ANXA2: variants seen among roughly 807,000 people sequenced by gnomAD.
The protein encoded by ANXA2 is annexin II.
ANXA2 carries 28 observed loss-of-function variants against 47.3 expected under a neutral mutation model. The ratio of observed to expected loss-of-function variants is 0.59; its 90% CI spans 0.44 to 0.81. The LOEUF (loss-of-function observed/expected upper bound fraction) is 0.81, where lower values mean the gene tolerates loss of function less well. ANXA2 is among the 40% of genes least tolerant of loss of function. The pLI is 0.00. For missense variants in ANXA2, 384 were observed against 414.3 expected (o/e 0.93, Z 0.64); for synonymous variants, 172 against 155.5 (o/e 1.11, Z -0.79).
At chr15:60,366,323 G>A (rs946865889) in intron 3 of ANXA2, among the ~76,000 whole-genome samples, 1 of 146,780 alleles carries the variant, frequency 6.8e-6, no homozygotes, top group South Asian at 2.2e-4. Context: ...TGGGATATGA[G>A]GAGCCCCTCT....
intron 3 of ANXA2, among the ~76,000 whole-genome samples, chr15:60,372,354 A>G (rs1177940546): frequency 6.6e-6 from 1 of 152,202 alleles, no homozygotes; most frequent in Non-Finnish European, 1.5e-5. Context: ...AGACACTTGC[A>G]GGGCTGAGAT....
intron 6 of ANXA2, among the ~76,000 whole-genome samples, 192 bp from the exon 7 acceptor site, chr15:60,356,190 G>A (rs1390918751): frequency 1.3e-5 from 2 of 151,918 alleles, no homozygotes; most frequent in Non-Finnish European, 2.9e-5. Flanking sequence ...CAGAGCCAGA[G>A]TTATTATCCA....
chr15:60,358,459 G>A (rs923292527), intron 5 of ANXA2, among the ~76,000 whole-genome samples: 6 of 152,198 alleles, frequency 3.9e-5, no homozygotes, highest in African/African-American at 1.4e-4. Flanking sequence ...ATTATAAGGT[G>A]TTAATACAAT....
In ANXA2 at chr15:60,389,165, C is replaced by T. The variant is rs137957253; in HGVS notation, c.-11-3079G>A. 7.3e-4 allele frequency among the ~76,000 whole-genome samples: 111 copies of T among 152,292 alleles called. 1 individual carries two copies. The highest frequency in any genetic ancestry group is 2.6e-3 in the African/African-American group (108 of 41,552). On this transcript the variant is annotated intron_variant, in intron 1 of 12. Coordinates refer to ENST00000451270, the MANE Select transcript of ANXA2 (RefSeq NM_004039.3). Reference sequence around the variant, plus strand: ...TCTGCAGCAGGGGATAAACTGTTGTCATCTGCTGTGCAGAATTCTAGTCTC... The same window carrying T: ...TCTGCAGCAGGGGATAAACTGTTGTTATCTGCTGTGCAGAATTCTAGTCTC...
intron 4 of ANXA2, among the ~76,000 whole-genome samples, chr15:60,364,056 G>A (rs1338444040): frequency 6.6e-6 from 1 of 152,208 alleles, no homozygotes; most frequent in African/African-American, 2.4e-5. Context: ...GGAGGGTACT[G>A]TCCTTACACA....
intron 5 of ANXA2, 23 bp downstream of exon 5, chr15:60,360,918 G>C (rs762236591): frequency 1.4e-6 from 2 of 1,414,836 alleles, no homozygotes; most frequent in Admixed American, 3.4e-5. Context: ...ATTTGACAGA[G>C]ATGACATCTC....
intron 3 of ANXA2, among the ~76,000 whole-genome samples, chr15:60,378,094 T>A (rs2062806274): frequency 6.6e-6 from 1 of 151,552 alleles, no homozygotes; most frequent in Non-Finnish European, 1.5e-5. Context: ...AGAGTGAGAC[T>A]CCGCCTCAAA....
In ANXA2 at chr15:60,382,482, A is replaced by T. The variant is rs574968041; in HGVS notation, c.49-41T>A. 5 of 1,383,598 alleles carry T rather than the reference A, an allele frequency of 3.6e-6. No individual in the cohort carries two copies. The Middle Eastern group carries it at 5.4e-4, about 148-fold the overall frequency. The allele number at this position is 1,383,598 out of a possible 1,614,324, so 85.7% of individuals were successfully genotyped here. ...AAACATACTCAAATGACACACATTT[A>T]AAATCCTCTTGTTGAAATAACAATG... is the stretch of plus-strand genomic sequence containing the variant. On this transcript the variant is annotated intron_variant, in intron 2 of 12. Transcript: ENST00000451270.
Position 60,352,552 on chromosome 15 carries a change from CA to C in ANXA2, c.589-77del. On this transcript the variant is annotated intron_variant, in intron 8 of 12. Transcript: ENST00000451270. The surrounding 1 kb of genome is among the most constrained non-coding windows in gnomAD (Gnocchi z 4.2). ...CAAAAAAAATGTCATGCAAAAAAAACAAAAAAAGCTACACATTCAAAATGCC... is the reference window on the plus strand; with the variant it reads ...CAAAAAAAATGTCATGCAAAAAAAACAAAAAAGCTACACATTCAAAATGCC... 5 of 1,042,812 alleles carry C rather than the reference CA, an allele frequency of 4.8e-6. No homozygotes were observed. Among genetic ancestry groups the C allele is most frequent in the Non-Finnish European group, 7.3e-6 (5 of 689,430 alleles). The allele number at this position is 1,042,812 out of a possible 1,614,324, so 64.6% of individuals were successfully genotyped here.
At chr15:60,360,574 T>C (rs2140823576) in intron 5 of ANXA2, among the ~76,000 whole-genome samples, 1 of 152,260 alleles carries the variant, frequency 6.6e-6, no homozygotes, top group South Asian at 2.1e-4. Context: ...TGGGCAGAAT[T>C]TGCAAGCTTC....
chr15:60,358,868 T>C (rs1343156105), intron 5 of ANXA2, among the ~76,000 whole-genome samples: 2 of 152,202 alleles, frequency 1.3e-5, no homozygotes, highest in South Asian at 4.1e-4. Flanking sequence ...GGCAGAATAA[T>C]GTAAGATGTG....
intron 1 of ANXA2, chr15:60,397,469 C>T: frequency 3.2e-6 from 1 of 310,522 alleles, no homozygotes; most frequent in Non-Finnish European, 4.8e-6. Flanking sequence ...TCCACAAGCG[C>T]GCGTTTGTTT....
At chr15:60,349,305 CA>C in intron 11 of ANXA2, 108 bp from the exon 12 acceptor site, 1 of 1,300,452 alleles carries the variant, frequency 7.7e-7, no homozygotes, top group Non-Finnish European at 1.1e-6. Flanking sequence ...TAAAATGCTC[CA>C]AAATCCAAAA....
At chr15:60,354,892 C>T (rs2062404505) in intron 7 of ANXA2, among the ~76,000 whole-genome samples, 1 of 152,174 alleles carries the variant, frequency 6.6e-6, no homozygotes, top group Admixed American at 6.5e-5. Flanking sequence ...CGGGAACCCA[C>T]AGCACTAGAA....
At chr15:60,375,373 C>T (rs2062762513) in intron 3 of ANXA2, among the ~76,000 whole-genome samples, 1 of 152,196 alleles carries the variant, frequency 6.6e-6, no homozygotes, top group African/African-American at 2.4e-5. Context: ...TTTATTGGCA[C>T]TTACACTAAC....
At chr15:60,386,557 T>C (rs2062936204) in intron 1 of ANXA2, 1 of 153,534 alleles carries the variant, frequency 6.5e-6, no homozygotes, top group Non-Finnish European at 1.5e-5. Context: ...TAATTCTTAA[T>C]TGGAATCTTT....
intron 3 of ANXA2, among the ~76,000 whole-genome samples, chr15:60,378,164 C>G (rs2062807069): frequency 6.6e-6 from 1 of 152,116 alleles, no homozygotes; most frequent in African/African-American, 2.4e-5. Context: ...ATTTCTATTT[C>G]TTGATGCAAC....
At position 60,379,729 on chromosome 15, in the gene ANXA2, G is replaced by A. The variant is rs539081029; in HGVS notation, c.148+2613C>T. Among the ~76,000 whole-genome samples, 4 of 152,296 alleles carry A rather than the reference G, an allele frequency of 2.6e-5. No individual in the cohort carries two copies. The South Asian group carries it at 6.2e-4, about 24-fold the overall frequency. On this transcript the variant is annotated intron_variant, in intron 3 of 12. Coordinates refer to ENST00000451270, the MANE Select transcript of ANXA2 (RefSeq NM_004039.3). Reference sequence around the variant, plus strand: ...GCCTGGTGCAGTATCTGCCCACAACGAGCATTTTATAAATAGTTGCAATGA... The same window carrying A: ...GCCTGGTGCAGTATCTGCCCACAACAAGCATTTTATAAATAGTTGCAATGA...
chr15:60,390,807 C>T (rs902992247), intron 1 of ANXA2: 2 of 156,596 alleles, frequency 1.3e-5, no homozygotes, highest in African/African-American at 4.8e-5. Flanking sequence ...CCTAGCAATG[C>T]AAAGTCATTT....
Sources: allele counts gnomAD v4.1 joint callset (sites outside exome capture counted in the v4.1 genomes callset), GRCh38; gene constraint gnomAD v4.1.1; non-coding constraint Gnocchi (gnomAD v3.1); transcripts MANE v1.5; gene names NCBI Gene and HGNC (gene_info 2026-07-23, HGNC 2026-07-21).